The following MCC variants were observed in gnomAD, a reference collection of about 807,000 sequenced individuals.
MCC encodes the protein MCC regulator of Wnt signaling pathway, also known as colorectal mutant cancer protein.
MCC carries 90 observed loss-of-function variants against 116.2 expected under a neutral mutation model. The ratio of observed to expected loss-of-function variants is 0.77; its 90% CI spans 0.65 to 0.92. MCC has a LOEUF of 0.92. Ranked by LOEUF, MCC falls within the 40% of genes least tolerant of loss-of-function variation. The pLI is 0.00. For synonymous variants in MCC, 578 were observed against 510.5 expected (o/e 1.13, Z -1.78); for missense variants, 1,516 against 1,312.2 (o/e 1.16, Z -2.40).
rs1212787293 is a variant in MCC at position 113,127,692 on chromosome 5, G to C, written c.885-4866C>G. Reference sequence around the variant, plus strand: ...ATGTCCTTTGCCCGCCTTTTAATGGGGTTGTTTTTCTCTTGTAAATTTGTT... The same window carrying C: ...ATGTCCTTTGCCCGCCTTTTAATGGCGTTGTTTTTCTCTTGTAAATTTGTT... On this transcript the variant is annotated intron_variant, in intron 5 of 18. Transcript: ENST00000408903. 2.6e-5 allele frequency among the ~76,000 whole-genome samples: 4 copies of C among 152,042 alleles called. No individual in the cohort carries two copies. The East Asian group carries it at 7.7e-4, about 29-fold the overall frequency.
intron 3 of MCC, among the ~76,000 whole-genome samples, chr5:113,157,583 G>T (rs569506271): frequency 6.6e-6 from 1 of 152,332 alleles, no homozygotes; most frequent in South Asian, 2.1e-4. Context: ...TGGGAAGTGA[G>T]TTCATCTGGG....
rs377496759 is a variant in MCC at position 113,049,086 on chromosome 5, G to A, written c.2655+7C>T. On this transcript the variant is annotated splice_region_variant and intron_variant, in intron 16 of 18. Transcript: ENST00000408903. ...CTAAGGGTGTCCCCAAGCCACTCCGGCCCTACCTTGCCAGGTTTGTCTTTG... is the reference window on the plus strand; with the variant it reads ...CTAAGGGTGTCCCCAAGCCACTCCGACCCTACCTTGCCAGGTTTGTCTTTG... 6.2e-5 allele frequency: 100 copies of A among 1,613,964 alleles called. No individual in the cohort carries two copies. The highest frequency in any genetic ancestry group is 8.2e-5 in the Non-Finnish European group (97 of 1,179,990).
At chr5:113,169,490 T>G (rs775898050) in intron 3 of MCC, among the ~76,000 whole-genome samples, 10 of 152,056 alleles carry the variant, frequency 6.6e-5, no homozygotes, top group Non-Finnish European at 1.3e-4. Context: ...TGCTGATGTT[T>G]AGATAATTGG....
intron 6 of MCC, among the ~76,000 whole-genome samples, chr5:113,116,755 G>A (rs537042448): frequency 6.6e-6 from 1 of 152,314 alleles, no homozygotes; most frequent in African/African-American, 2.4e-5. Context: ...AATGACTTCA[G>A]GGGGTTCTCC....
intron 3 of MCC, among the ~76,000 whole-genome samples, chr5:113,235,155 T>C (rs1239026682): frequency 1.3e-5 from 2 of 152,194 alleles, no homozygotes; most frequent in Non-Finnish European, 2.9e-5. Flanking sequence ...TTTAAACTGC[T>C]CCACAATAAA....
At chr5:113,129,993 C>G (rs1206302130) in intron 5 of MCC, among the ~76,000 whole-genome samples, 5 of 152,028 alleles carry the variant, frequency 3.3e-5, no homozygotes, top group Non-Finnish European at 7.4e-5. Flanking sequence ...GGGTATATAC[C>G]CAAAGGATTA....
intron 3 of MCC, among the ~76,000 whole-genome samples, chr5:113,252,208 C>T (rs1764828178): frequency 1.3e-5 from 2 of 151,748 alleles, no homozygotes; most frequent in Admixed American, 6.6e-5. Flanking sequence ...AGTGTAGAGC[C>T]TCCCCATTGC....
intron 16 of MCC, among the ~76,000 whole-genome samples, chr5:113,047,769 T>C (rs1029234201): frequency 6.6e-6 from 1 of 151,950 alleles, no homozygotes; most frequent in Admixed American, 6.6e-5. Context: ...TCCACAGTTG[T>C]TTTTTTCCCA....
intron 2 of MCC, among the ~76,000 whole-genome samples, chr5:113,383,440 A>C (rs567984058): frequency 5.9e-5 from 9 of 152,344 alleles, no homozygotes; most frequent in Admixed American, 4.6e-4. Context: ...TAAAAGCATG[A>C]AGAAAATGCA....
chr5:113,231,780 T>C (rs1206204638), intron 3 of MCC, among the ~76,000 whole-genome samples: 1 of 152,172 alleles, frequency 6.6e-6, no homozygotes, highest in Non-Finnish European at 1.5e-5. Context: ...ACAAATATCA[T>C]GGTTTTGCTG....
intron 3 of MCC, among the ~76,000 whole-genome samples, chr5:113,195,374 A>G (rs1762347466): frequency 6.6e-6 from 1 of 152,186 alleles, no homozygotes; most frequent in African/African-American, 2.4e-5. Context: ...TAGACCTACA[A>G]TTTGGTCTCA....
intron 17 of MCC, among the ~76,000 whole-genome samples, chr5:113,029,461 A>G (rs939347434): frequency 1.3e-5 from 2 of 151,502 alleles, no homozygotes; most frequent in African/African-American, 4.9e-5. Flanking sequence ...TGAACCACTC[A>G]GGTTTAGCAA....
Position 113,085,312 on chromosome 5 carries a change from T to C in MCC, c.1399-2A>G. 1 of 1,607,382 alleles carries C rather than the reference T, an allele frequency of 6.2e-7. No individual in the cohort carries two copies. Among genetic ancestry groups the C allele is most frequent in the Non-Finnish European group, 8.5e-7 (1 of 1,175,518 alleles). On this transcript the variant is annotated splice_acceptor_variant, in intron 8 of 18. Transcript: ENST00000408903. LOFTEE classifies it high-confidence loss of function. ...TAGTCGAGTTTGAAGCTCTCTGACCTGAAATCATAATGCTTTTAGACATAG... is the reference window on the plus strand; with the variant it reads ...TAGTCGAGTTTGAAGCTCTCTGACCCGAAATCATAATGCTTTTAGACATAG...
At chr5:113,249,641 T>C in intron 3 of MCC, among the ~76,000 whole-genome samples, 1 of 152,202 alleles carries the variant, frequency 6.6e-6, no homozygotes, top group East Asian at 1.9e-4. Context: ...TAAATCTGGC[T>C]GTCTCTGTAT....
At chr5:113,132,451 C>T (rs1220397439) in intron 5 of MCC, among the ~76,000 whole-genome samples, 75,845 of 122,720 alleles carry the variant, frequency 0.62, 23,981 homozygotes, top group East Asian at 0.8. Context: ...TATACACACA[C>T]ACACACACAC....
At chr5:113,233,085 CCTGA>C (rs1409481676) in intron 3 of MCC, among the ~76,000 whole-genome samples, 2 of 152,142 alleles carry the variant, frequency 1.3e-5, no homozygotes, top group African/African-American at 2.4e-5. Flanking sequence ...GCTCTATAAA[CCTGA>C]CTATCACTAA....
intron 8 of MCC, among the ~76,000 whole-genome samples, chr5:113,090,037 A>C (rs1448712869): frequency 6.6e-6 from 1 of 152,212 alleles, no homozygotes; most frequent in African/African-American, 2.4e-5. Flanking sequence ...AGTCTGAAGG[A>C]AAGCAATTAG....
intron 3 of MCC, among the ~76,000 whole-genome samples, chr5:113,302,449 CT>C: frequency 6.6e-6 from 1 of 152,014 alleles, no homozygotes; most frequent in Admixed American, 6.5e-5. Flanking sequence ...AACAAAGTAA[CT>C]ATAAAAAATT....
In MCC at chr5:113,335,274, C is replaced by T. The variant is rs1476157085; in HGVS notation, c.627+5245G>A. ...TGAAGACCTTTTAAATGAGGGAAGA[C>T]AGAGACAAATGATTACTTTTACTTC... On this transcript the variant is annotated intron_variant, in intron 3 of 18. Coordinates refer to ENST00000408903, the MANE Select transcript of MCC (RefSeq NM_001085377.2). Among the ~76,000 whole-genome samples, 2 of 151,698 alleles carry T rather than the reference C, an allele frequency of 1.3e-5. 1 individual carries two copies. Among genetic ancestry groups the T allele is most frequent in the African/African-American group, 4.9e-5 (2 of 41,000 alleles).
Sources: gnomAD v4.1 joint callset for allele counts (sites outside exome capture counted in the v4.1 genomes callset) on GRCh38, gnomAD v4.1.1 for gene constraint, MANE v1.5 for transcripts, NCBI Gene and HGNC (gene_info 2026-07-23, HGNC 2026-07-21) for gene names.